Variants in MATN2 observed in about 807,000 individuals in gnomAD.
MATN2 encodes the protein matrilin 2, also known as matrilin-2.
A neutral mutation model predicts 103.2 loss-of-function variants in MATN2; 69 were observed. That is an observed-to-expected ratio of 0.67 (90% CI 0.55 to 0.82). The LOEUF (loss-of-function observed/expected upper bound fraction) is 0.82, where lower values mean the gene tolerates loss of function less well. Ranked by LOEUF, MATN2 falls within the 40% of genes least tolerant of loss-of-function variation. The probability of loss-of-function intolerance (pLI) is 0.00; values close to 1 mark genes in which losing one functional copy is unlikely to be tolerated. For missense variants in MATN2, 1,023 were observed against 1,211.5 expected, an observed-to-expected ratio of 0.84 and a Z score of 2.31; for synonymous variants, 429 against 450.2, an observed-to-expected ratio of 0.95 and a Z score of 0.60.
chr8:98,019,903 A>T (rs1813521192), intron 12 of MATN2, among the ~76,000 whole-genome samples: 1 of 152,248 alleles, frequency 6.6e-6, no homozygotes, highest in Non-Finnish European at 1.5e-5. Flanking sequence ...CAAGCCAACA[A>T]GGCTGGGTTG....
intron 18 of MATN2, 113 bp downstream of exon 18, chr8:98,033,772 A>C: frequency 1.3e-6 from 1 of 758,804 alleles, no homozygotes; most frequent in Non-Finnish European, 2.1e-6. Flanking sequence ...GTCACAAAGA[A>C]CAGTGATCTC....
chr8:97,986,765 T>A (rs1202915036), intron 6 of MATN2, among the ~76,000 whole-genome samples: 1 of 152,258 alleles, frequency 6.6e-6, no homozygotes, highest in African/African-American at 2.4e-5. Context: ...ATCTTTTTCA[T>A]ATAATGACTT....
At chr8:98,035,559 T>C in intron 18 of MATN2, 98 bp from the exon 19 acceptor site, 1 of 684,852 alleles carries the variant, frequency 1.5e-6, no homozygotes, top group Non-Finnish European at 2.4e-6. Flanking sequence ...CAAAACCTTT[T>C]AGATTTCAGA....
At chr8:97,944,608 TCA>T (rs1810686182) in intron 4 of MATN2, among the ~76,000 whole-genome samples, 1 of 152,226 alleles carries the variant, frequency 6.6e-6, no homozygotes, top group South Asian at 2.1e-4. Context: ...TTCTTGACTC[TCA>T]GTTTCCTCGC....
At chr8:97,998,546 G>T (rs557153302) in intron 7 of MATN2, among the ~76,000 whole-genome samples, 37 of 143,378 alleles carry the variant, frequency 2.6e-4, no homozygotes, top group African/African-American at 9.2e-4. Context: ...AAAAAATCTT[G>T]CTTGAAACAT....
intron 7 of MATN2, among the ~76,000 whole-genome samples, chr8:98,002,249 T>C (rs796737534): frequency 2.0e-5 from 3 of 152,280 alleles, no homozygotes; most frequent in African/African-American, 7.2e-5. Flanking sequence ...ACAGCATGGA[T>C]AGAGTGACCT....
intron 1 of MATN2, among the ~76,000 whole-genome samples, chr8:97,885,028 A>C (rs1280097131): frequency 6.6e-6 from 1 of 152,220 alleles, no homozygotes; most frequent in African/African-American, 2.4e-5. Context: ...CTCTTCACCT[A>C]TCCTCAGTGC....
intron 6 of MATN2, among the ~76,000 whole-genome samples, chr8:97,992,613 G>A (rs893576912): frequency 4.0e-5 from 6 of 151,802 alleles, no homozygotes; most frequent in Admixed American, 6.6e-5. Context: ...GGGCACAGTG[G>A]CAGGCGCCTG....
In MATN2 at chr8:98,030,544, TCTCTTCTATGCC is replaced by T; in HGVS notation, c.2440_2451del (p.Leu814_Ala817del). The T allele has an allele frequency of 1.2e-6, 2 of 1,613,872 alleles. No homozygotes were observed. The highest frequency in any genetic ancestry group is 1.7e-6 in the Non-Finnish European group (2 of 1,179,814). On this transcript the variant is annotated inframe_deletion, in exon 15 of 19. Transcript: ENST00000254898. Reference sequence around the variant, plus strand: ...TTGCCTCTGAGCCCACAAACAAGCATCTCTTCTATGCCGAAGACTTCAGCACAATGGATGAGA... The same window carrying T: ...TTGCCTCTGAGCCCACAAACAAGCATGAAGACTTCAGCACAATGGATGAGA...
At chr8:97,875,690 GTTTT>G in intron 1 of MATN2, among the ~76,000 whole-genome samples, 1 of 82,032 alleles carries the variant, frequency 1.2e-5, no homozygotes, top group South Asian at 4.4e-4. Flanking sequence ...GTATTTGCCT[GTTTT>G]TTTTTTTTTT....
Position 98,005,533 on chromosome 8 carries a change from C to T in MATN2, c.1328-1572C>T, listed in dbSNP as rs1053682468. ...CCGGGGGCCAGAAGAGCTCTAAGAA[C>T]GGACCACAAGAGATCGGGACCCTCC... On this transcript the variant is annotated intron_variant, in intron 8 of 18. Coordinates refer to ENST00000254898, the MANE Select transcript of MATN2 (RefSeq NM_002380.5). The surrounding 1 kb of genome is among the most constrained non-coding windows in gnomAD (Gnocchi z 4.6). 8.5e-5 allele frequency among the ~76,000 whole-genome samples: 13 copies of T among 152,148 alleles called. No homozygotes were observed. Among genetic ancestry groups the T allele is most frequent in the Admixed American group, 4.6e-4 (7 of 15,272 alleles).
chr8:97,909,844 C>T (rs956423090), intron 2 of MATN2, among the ~76,000 whole-genome samples: 10 of 151,006 alleles, frequency 6.6e-5, no homozygotes, highest in Non-Finnish European at 1.5e-4. Context: ...AGTACAGTGG[C>T]GTGATCTTGG....
intron 10 of MATN2, among the ~76,000 whole-genome samples, chr8:98,013,847 G>T (rs1813266524): frequency 6.6e-6 from 1 of 152,214 alleles, no homozygotes; most frequent in South Asian, 2.1e-4. Context: ...GGTGGCTCAT[G>T]CCTGTAATCC....
At chr8:97,965,914 GC>G (rs1374693300) in intron 5 of MATN2, among the ~76,000 whole-genome samples, 2 of 152,112 alleles carry the variant, frequency 1.3e-5, no homozygotes, top group Non-Finnish European at 2.9e-5. Context: ...AACCTGGGAG[GC>G]AGAGGTTGCA....
At chr8:98,034,195 CT>C (rs1425870503) in intron 18 of MATN2, 1 of 455,420 alleles carries the variant, frequency 2.2e-6, no homozygotes, top group Non-Finnish European at 4.4e-6. Context: ...TCTATCGGCA[CT>C]CTAAAAAATG....
chr8:97,903,211 C>T (rs570061282), intron 2 of MATN2, among the ~76,000 whole-genome samples: 1 of 151,988 alleles, frequency 6.6e-6, no homozygotes. Context: ...AGGTGGTGCT[C>T]CATGGAACAC....
At chr8:98,016,737 A>T in intron 11 of MATN2, 75 bp downstream of exon 11, 1 of 1,539,340 alleles carries the variant, frequency 6.5e-7, no homozygotes, top group Non-Finnish European at 8.9e-7. Context: ...ATCTCTGTAT[A>T]TATCAGTTCC....
Position 97,931,232 on chromosome 8 carries a change from A to T in MATN2, c.422A>T (p.Gln141Leu), listed in dbSNP as rs770449844. ...STGTMTGLAI[Q>L]YALNIAFSEA... ...GGCACCATGACTGGGCTGGCCATCCAGTATGCCCTGAACATCGCATTCTCA... is the reference window on the plus strand; with the variant it reads ...GGCACCATGACTGGGCTGGCCATCCTGTATGCCCTGAACATCGCATTCTCA... The change falls in exon 3 of 19, where the codon CAG becomes CTG. Residue 141 changes from glutamine to leucine, a missense_variant. Physicochemically the swap from Gln to Leu is moderately radical, Grantham distance 113 (BLOSUM62 -2). Coordinates refer to ENST00000254898, the MANE Select transcript of MATN2 (RefSeq NM_002380.5). This position sits in a 1 kb window ranked among gnomAD's most constrained non-coding sequence, Gnocchi z 4.1. 1 of 1,613,912 alleles carries T rather than the reference A, an allele frequency of 6.2e-7. No individual in the cohort carries two copies. The highest frequency in any genetic ancestry group is 1.1e-5 in the South Asian group (1 of 91,070).
intron 6 of MATN2, among the ~76,000 whole-genome samples, chr8:97,985,016 G>C (rs1418417528): frequency 6.6e-6 from 1 of 152,316 alleles, no homozygotes; most frequent in East Asian, 1.9e-4. Context: ...CACAGCACCA[G>C]TACAAAATGG....
Sources: gnomAD v4.1 joint callset for allele counts (sites outside exome capture counted in the v4.1 genomes callset) on GRCh38, gnomAD v4.1.1 for gene constraint, Gnocchi (gnomAD v3.1) non-coding constraint, MANE v1.5 for transcripts, NCBI Gene and HGNC (gene_info 2026-07-23, HGNC 2026-07-21) for gene names.